Variants in BRIP1 observed in about 807,000 individuals in gnomAD.
The protein encoded by BRIP1 is BRCA1 interacting DNA helicase 1, also known as Fanconi anemia group J protein.
A neutral mutation model predicts 119.7 loss-of-function variants in BRIP1; 88 were observed. That is an observed-to-expected ratio of 0.74 (90% CI 0.62 to 0.88). BRIP1 has a LOEUF of 0.88. BRIP1 is among the 40% of genes least tolerant of loss of function. The pLI, the probability that BRIP1 is intolerant of heterozygous loss-of-function variation, is 0.00. For missense variants in BRIP1, 1,259 were observed against 1,455.4 expected (o/e 0.87, Z 2.20); for synonymous variants, 443 against 496.5 (o/e 0.89, Z 1.43).
In BRIP1 at chr17:61,784,386, G is replaced by T. The variant is rs876660478; in HGVS notation, c.1512C>A (p.Ile504=). ...CCTCCTCTTTACCATAAATTGGTGA[G>T]ATTTTTTCCTCTTTTTGAAGAACAG... is the stretch of plus-strand genomic sequence containing the variant. The part of the protein sequence containing the change: ...FSAVLQKEEK[I]SPIYGKEEAR... The change falls in exon 11 of 20, where the codon ATC becomes ATA. Residue 504 remains isoleucine (I), a synonymous_variant. Coordinates refer to ENST00000259008, the MANE Select transcript of BRIP1 (RefSeq NM_032043.3). The T allele has an allele frequency of 6.2e-7, 1 of 1,613,274 alleles. No individual in the cohort carries two copies. Among genetic ancestry groups the T allele is most frequent in the Non-Finnish European group, 8.5e-7 (1 of 1,179,450 alleles).
At chr17:61,858,168 T>C (rs1442235464) in intron 3 of BRIP1, among the ~76,000 whole-genome samples, 2 of 152,166 alleles carry the variant, frequency 1.3e-5, no homozygotes, top group Non-Finnish European at 2.9e-5. Context: ...GTACAATTCA[T>C]ATACCCCCAA....
At chr17:61,707,396 G>C (rs1206530225) in intron 17 of BRIP1, among the ~76,000 whole-genome samples, 1 of 152,026 alleles carries the variant, frequency 6.6e-6, no homozygotes, top group Non-Finnish European at 1.5e-5. Flanking sequence ...TCCTTTACCT[G>C]TGCCTGAGTG....
intron 6 of BRIP1, among the ~76,000 whole-genome samples, chr17:61,837,757 T>C (rs1356257172): frequency 1.3e-5 from 2 of 152,132 alleles, no homozygotes; most frequent in Admixed American, 6.5e-5. Context: ...GATGCTTCAC[T>C]AGAACTTTGA....
At position 61,799,131 on chromosome 17, in the gene BRIP1, G is replaced by A. The variant is rs878855137; in HGVS notation, c.1309C>T (p.Pro437Ser). 1 of 1,613,558 alleles carries A rather than the reference G, an allele frequency of 6.2e-7. No individual in the cohort carries two copies. Among genetic ancestry groups the A allele is most frequent in the Non-Finnish European group, 8.5e-7 (1 of 1,179,590 alleles). Residue 437 changes from proline (P) to serine (S), a missense_variant, in exon 9 of 20, where the codon CCC becomes TCC. Physicochemically the swap from Pro to Ser is moderately conservative, Grantham distance 74. Transcript: ENST00000259008. This position sits in a 1 kb window ranked among gnomAD's most constrained non-coding sequence, Gnocchi z 5.1. ...AGGCTACAGCACACAGCTCGTAGGGGTTCATGATCTTTCTTCCTTATATTA... is the reference window on the plus strand; with the variant it reads ...AGGCTACAGCACACAGCTCGTAGGGATTCATGATCTTTCTTCCTTATATTA... ...NNNIRKKDHE[P>S]LRAVCCSLIN...
rs2078504303 is a variant in BRIP1, at chr17:61,832,263, G to A, written c.627+14838C>T. 6.6e-6 allele frequency among the ~76,000 whole-genome samples: 1 copy of A among 152,022 alleles called. No individual in the cohort carries two copies. Among genetic ancestry groups the A allele is most frequent in the Non-Finnish European group, 1.5e-5 (1 of 67,994 alleles). On this transcript the variant is annotated intron_variant, in intron 6 of 19. Transcript: ENST00000259008. The surrounding 1 kb of genome is among the most constrained non-coding windows in gnomAD (Gnocchi z 5.5). Reference sequence around the variant, plus strand: ...GCAACTTAACTGGTTTCCCACTTGAGTACCAAAACAAATCATATAATAATT... The same window carrying A: ...GCAACTTAACTGGTTTCCCACTTGAATACCAAAACAAATCATATAATAATT...
chr17:61,689,055 T>TATGTTATGTTATGTTATGTC lies in BRIP1; in HGVS notation c.2576-2891_2576-2890insGACATAACATAACATAACAT, dbSNP rs1555573959. ...TATGTTATGTTATGTTATGTTATGT[T>TATGTTATGTTATGTTATGTC]ATTTTTTTGAGACAGTCTCGCTCTG... On this transcript the variant is annotated intron_variant, in intron 18 of 19. Transcript: ENST00000259008. This position sits in a 1 kb window ranked among gnomAD's most constrained non-coding sequence, Gnocchi z 4.5. 3.9e-5 allele frequency among the ~76,000 whole-genome samples: 6 copies of TATGTTATGTTATGTTATGTC among 152,036 alleles called. No individual in the cohort carries two copies. Among genetic ancestry groups the TATGTTATGTTATGTTATGTC allele is most frequent in the African/African-American group, 7.3e-5 (3 of 41,372 alleles).
At position 61,746,170 on chromosome 17, in the gene BRIP1, A is replaced by C. The variant is rs1268065746; in HGVS notation, c.2098-1579T>G. Among the ~76,000 whole-genome samples the C allele has an allele frequency of 6.6e-6, 1 of 152,196 alleles. No homozygotes were observed. Among genetic ancestry groups the C allele is most frequent in the African/African-American group, 2.4e-5 (1 of 41,476 alleles). On this transcript the variant is annotated intron_variant, in intron 14 of 19. Transcript: ENST00000259008. The surrounding 1 kb of genome is among the most constrained non-coding windows in gnomAD (Gnocchi z 4.9). Reference sequence around the variant, plus strand: ...GACTATAAAACAAAACATTAGTAAAATAGTTAACTGCTGTACAATATGCTT... The same window carrying C: ...GACTATAAAACAAAACATTAGTAAACTAGTTAACTGCTGTACAATATGCTT...
At position 61,726,430 on chromosome 17, in the gene BRIP1, GA is replaced by G. The variant is rs1434707255; in HGVS notation, c.2380-10368del. Among the ~76,000 whole-genome samples the G allele has an allele frequency of 2.6e-5, 4 of 152,198 alleles. No homozygotes were observed. The highest frequency in any genetic ancestry group is 6.5e-5 in the Admixed American group (1 of 15,272). ...CGTAATATATTGCTGCATGGTATGT[GA>G]AATAAGCCATAAGGCTGTGGAGGCC... On this transcript the variant is annotated intron_variant, in intron 16 of 19. Transcript: ENST00000259008. The surrounding 1 kb of genome is among the most constrained non-coding windows in gnomAD (Gnocchi z 6.2).
Position 61,760,092 on chromosome 17 carries a change from T to C in BRIP1, c.2098-15501A>G, listed in dbSNP as rs996482822. ...AAGTTTGTTATCATATCAAGTATCT[T>C]TGCTGGCCACAATGGTATAAAACTA... On this transcript the variant is annotated intron_variant, in intron 14 of 19. Coordinates refer to ENST00000259008, the MANE Select transcript of BRIP1 (RefSeq NM_032043.3). The surrounding 1 kb of genome is among the most constrained non-coding windows in gnomAD (Gnocchi z 4.6). Among the ~76,000 whole-genome samples the C allele has an allele frequency of 5.3e-5, 8 of 152,100 alleles. No individual in the cohort carries two copies. The highest frequency in any genetic ancestry group is 3.4e-3 in the Middle Eastern group (1 of 294).
At chr17:61,707,127 CTTTAT>C (rs2061701746) in intron 17 of BRIP1, among the ~76,000 whole-genome samples, 1 of 151,892 alleles carries the variant, frequency 6.6e-6, no homozygotes, top group African/African-American at 2.4e-5. Context: ...ATGTTGAAGG[CTTTAT>C]TTTGTCTTAT....
chr17:61,784,601 T>C (rs1437460536), intron 10 of BRIP1, among the ~76,000 whole-genome samples, 177 bp from the exon 11 acceptor site: 1 of 152,052 alleles, frequency 6.6e-6, no homozygotes, highest in African/African-American at 2.4e-5. Flanking sequence ...TCCCCAGTAA[T>C]GGAAGTGGGG....
chr17:61,712,944 T>C (rs2061802521), intron 17 of BRIP1, among the ~76,000 whole-genome samples: 2 of 152,064 alleles, frequency 1.3e-5, no homozygotes, highest in African/African-American at 2.4e-5. Flanking sequence ...AACCTAATTA[T>C]AGCATTTACA....
At chr17:61,707,628 T>C (rs1173769271) in intron 17 of BRIP1, among the ~76,000 whole-genome samples, 1 of 152,202 alleles carries the variant, frequency 6.6e-6, no homozygotes, top group Non-Finnish European at 1.5e-5. Context: ...AGCCCTATTA[T>C]GCATTTAAAA....
chr17:61,850,274 G>C (rs1031258368), intron 4 of BRIP1, among the ~76,000 whole-genome samples: 1 of 151,608 alleles, frequency 6.6e-6, no homozygotes, highest in Non-Finnish European at 1.5e-5. Flanking sequence ...GGCTAATTTT[G>C]TATTTTTAAT....
intron 10 of BRIP1, among the ~76,000 whole-genome samples, chr17:61,785,994 T>C (rs1567818345): frequency 6.6e-6 from 1 of 152,068 alleles, no homozygotes; most frequent in Non-Finnish European, 1.5e-5. Context: ...TATGGTTCCT[T>C]AGGAAACATA....
chr17:61,721,267 CTTTT>C (rs11326516), intron 16 of BRIP1, among the ~76,000 whole-genome samples: 2 of 114,178 alleles, frequency 1.8e-5, no homozygotes. Context: ...AAAATCTAAG[CTTTT>C]TTTTTTTTTT....
rs893855245 is a variant in BRIP1, at chr17:61,793,357, C to G, written c.1473+240G>C. On this transcript the variant is annotated intron_variant, in intron 10 of 19. Transcript: ENST00000259008. This position sits in a 1 kb window ranked among gnomAD's most constrained non-coding sequence, Gnocchi z 5.2. ...AATATTGACTCCTTTTAGCTTTAAA[C>G]AAAGCAATTAATCCCTTTAAAGACT... is the stretch of plus-strand genomic sequence containing the variant. 7.9e-5 allele frequency among the ~76,000 whole-genome samples: 12 copies of G among 152,022 alleles called. No individual in the cohort carries two copies. Among genetic ancestry groups the G allele is most frequent in the African/African-American group, 2.9e-4 (12 of 41,388 alleles).
Position 61,753,618 on chromosome 17 carries a change from T to TA in BRIP1, c.2098-9028dup, listed in dbSNP as rs200395939. Reference sequence around the variant, plus strand: ...TTTCCTCTCCATTTTTTTTTTTTTTTAGAGATGGGATCTCACTCTGTTGCT... The same window carrying TA: ...TTTCCTCTCCATTTTTTTTTTTTTTTAAGAGATGGGATCTCACTCTGTTGCT... On this transcript the variant is annotated intron_variant, in intron 14 of 19. Coordinates refer to ENST00000259008, the MANE Select transcript of BRIP1 (RefSeq NM_032043.3). The surrounding 1 kb of genome is among the most constrained non-coding windows in gnomAD (Gnocchi z 4.6). Among the ~76,000 whole-genome samples the TA allele has an allele frequency of 1.3e-5, 2 of 151,704 alleles. No individual in the cohort carries two copies. The highest frequency in any genetic ancestry group is 2.4e-5 in the African/African-American group (1 of 41,316).
At position 61,806,542 on chromosome 17, in the gene BRIP1, T is replaced by C. The variant is rs534241648; in HGVS notation, c.918+1925A>G. The stretch of plus-strand genomic sequence containing the variant: ...TTGAAGTCTACTGAATTCCTTTTTA[T>C]TTTTACATGATTCAAACTTATGAGT... On this transcript the variant is annotated intron_variant, in intron 7 of 19. Coordinates refer to ENST00000259008, the MANE Select transcript of BRIP1 (RefSeq NM_032043.3). The surrounding 1 kb of genome is among the most constrained non-coding windows in gnomAD (Gnocchi z 4.9). Among the ~76,000 whole-genome samples the C allele has an allele frequency of 1.8e-4, 27 of 152,366 alleles. No homozygotes were observed. The highest frequency in any genetic ancestry group is 6.3e-4 in the African/African-American group (26 of 41,586).
Sources: allele counts gnomAD v4.1 joint callset (sites outside exome capture counted in the v4.1 genomes callset), GRCh38; gene constraint gnomAD v4.1.1; non-coding constraint Gnocchi (gnomAD v3.1); transcripts MANE v1.5; gene names NCBI Gene and HGNC (gene_info 2026-07-23, HGNC 2026-07-21).